Variants in NCOR2 observed in about 807,000 individuals in gnomAD.
NCOR2 encodes CTG repeat protein 26.
Under a neutral mutation model 262.9 loss-of-function variants are expected in NCOR2, and 81 were observed. The ratio of observed to expected loss-of-function variants is 0.31; its 90% CI spans 0.26 to 0.37. The LOEUF is 0.37. Ranked by LOEUF, NCOR2 falls within the 10% of genes least tolerant of loss-of-function variation. The pLI, the probability that NCOR2 is intolerant of heterozygous loss-of-function variation, is 1.00. For missense variants in NCOR2, 3,385 were observed against 3,621.4 expected (o/e 0.93, Z 1.68); for synonymous variants, 1,659 against 1,559.3 (o/e 1.06, Z -1.51).
rs1308679020 is a variant in NCOR2, at chr12:124,504,249, G to A, written c.-117-8881C>T. 4.6e-5 allele frequency among the ~76,000 whole-genome samples: 7 copies of A among 152,230 alleles called. No homozygotes were observed. Among genetic ancestry groups the A allele is most frequent in the African/African-American group, 1.7e-4 (7 of 41,466 alleles). On this transcript the variant is annotated intron_variant, in intron 1 of 46. Transcript: ENST00000404621. This position sits in a 1 kb window ranked among gnomAD's most constrained non-coding sequence, Gnocchi z 4.5. ...AGATACGTGGGCCAGGTTAAAGCCA[G>A]AAAGCTGGGGTGCCCGGAGCGTCTC...
chr12:124,357,619 G>A (rs2038052760), intron 22 of NCOR2, among the ~76,000 whole-genome samples: 1 of 152,352 alleles, frequency 6.6e-6, no homozygotes. Flanking sequence ...TTGTGAATAC[G>A]CTTTTACTGG....
intron 13 of NCOR2, among the ~76,000 whole-genome samples, chr12:124,405,806 C>T (rs985992186): frequency 1.3e-5 from 2 of 152,214 alleles, no homozygotes; most frequent in African/African-American, 4.8e-5. Flanking sequence ...TGTTTTAGGG[C>T]AGCAAGTGCA....
intron 1 of NCOR2, among the ~76,000 whole-genome samples, chr12:124,520,730 T>TA (rs2050138765): frequency 6.6e-6 from 1 of 152,012 alleles, no homozygotes; most frequent in Admixed American, 6.6e-5. Flanking sequence ...TAAGCCAGTG[T>TA]CTGGTTATCT....
At chr12:124,391,662 C>T (rs2136149930) in intron 16 of NCOR2, among the ~76,000 whole-genome samples, 1 of 152,344 alleles carries the variant, frequency 6.6e-6, no homozygotes. Flanking sequence ...CCTCCCCACT[C>T]TTTTCTCTCC....
intron 1 of NCOR2, among the ~76,000 whole-genome samples, chr12:124,492,598 C>G (rs1486874299): frequency 6.6e-6 from 1 of 152,160 alleles, no homozygotes; most frequent in Non-Finnish European, 1.5e-5. Context: ...GGAACCAGGA[C>G]AGCCAGGTTC....
rs113864855 is a variant in NCOR2 at position 124,523,185 on chromosome 12, G to C, written c.-118+12380C>G. ...TGCATGTTGTTTTTATTTTTAAAAG[G>C]GGCCGCCCCCACCCACAGCAGCTGT... On this transcript the variant is annotated intron_variant, in intron 1 of 46. Transcript: ENST00000404621. The surrounding 1 kb of genome is among the most constrained non-coding windows in gnomAD (Gnocchi z 4.0). Among the ~76,000 whole-genome samples the C allele has an allele frequency of 6.6e-6, 1 of 152,162 alleles. No homozygotes were observed. The highest frequency in any genetic ancestry group is 6.5e-5 in the Admixed American group (1 of 15,278).
At position 124,443,571 on chromosome 12, in the gene NCOR2, C is replaced by T. The variant is rs1342421135; in HGVS notation, c.816-5575G>A. Among the ~76,000 whole-genome samples, 3 of 152,102 alleles carry T rather than the reference C, an allele frequency of 2.0e-5. No individual in the cohort carries two copies. The highest frequency in any genetic ancestry group is 4.8e-5 in the African/African-American group (2 of 41,414). On this transcript the variant is annotated intron_variant, in intron 7 of 46. Coordinates refer to ENST00000405201, the Ensembl canonical transcript of NCOR2. This position sits in a 1 kb window ranked among gnomAD's most constrained non-coding sequence, Gnocchi z 4.4. The stretch of plus-strand genomic sequence containing the variant: ...AGGCTGGAGTGCAGTGGCGCAATCT[C>T]GGCTCACTGCAACCTCTGCCTCCCG...
At chr12:124,387,894 T>TGGGTGGGGTGGGCATGGAGAGCTCAGG (rs2040937051) in intron 16 of NCOR2, among the ~76,000 whole-genome samples, 1 of 132,624 alleles carries the variant, frequency 7.5e-6, no homozygotes, top group Non-Finnish European at 1.6e-5. Flanking sequence ...CTGGGCCTGC[T>TGGGTGGGGTGGGCATGGAGAGCTCAGG]GGGTGGGGTG....
At chr12:124,375,300 G>C (rs555915472) in intron 18 of NCOR2, among the ~76,000 whole-genome samples, 1 of 152,220 alleles carries the variant, frequency 6.6e-6, no homozygotes, top group Admixed American at 6.5e-5. Context: ...GAAACTTCTG[G>C]GTCTCAGTTT....
chr12:124,360,730 C>A (rs1179623968), intron 22 of NCOR2, among the ~76,000 whole-genome samples: 2 of 152,032 alleles, frequency 1.3e-5, no homozygotes, highest in Non-Finnish European at 2.9e-5. Flanking sequence ...ACACCAGGGC[C>A]TTTCCCTGTG....
At chr12:124,456,712 A>T in intron 6 of NCOR2, among the ~76,000 whole-genome samples, 1 of 152,222 alleles carries the variant, frequency 6.6e-6, no homozygotes, top group East Asian at 1.9e-4. Flanking sequence ...TCACACCGCC[A>T]TGAAGCGGTG....
At chr12:124,397,297 G>A (rs190948753) in intron 16 of NCOR2, among the ~76,000 whole-genome samples, 1 of 152,338 alleles carries the variant, frequency 6.6e-6, no homozygotes, top group Admixed American at 6.5e-5. Flanking sequence ...CCTCACACAG[G>A]GTTATCTGAT....
chr12:124,340,551 C>T (rs374004616), intron 35 of NCOR2, 51 bp downstream of exon 37: 121 of 1,526,626 alleles, frequency 7.9e-5, no homozygotes, highest in Non-Finnish European at 1.0e-4. Context: ...ATCCCCCAGC[C>T]GCCTCCCATG....
At chr12:124,403,381 TC>T (rs1239357582) in intron 13 of NCOR2, among the ~76,000 whole-genome samples, 3 of 151,998 alleles carry the variant, frequency 2.0e-5, no homozygotes, top group African/African-American at 7.2e-5. Context: ...GTCATCTGCC[TC>T]CCCGACCTGT....
intron 1 of NCOR2, among the ~76,000 whole-genome samples, chr12:124,556,740 C>T (rs2051895062): frequency 6.6e-6 from 1 of 151,992 alleles, no homozygotes; most frequent in Non-Finnish European, 1.5e-5. Flanking sequence ...ATCCGTTACT[C>T]AGGTGGCTGA....
chr12:124,548,387 T>TG lies in NCOR2; in HGVS notation c.-164-12777dup, dbSNP rs540163409. 1.3e-5 allele frequency among the ~76,000 whole-genome samples: 2 copies of TG among 152,130 alleles called. No homozygotes were observed. The highest frequency in any genetic ancestry group is 4.1e-4 in the South Asian group (2 of 4,820). ...CATGGACCTTCTGATGGGATCCCTC[T>TG]GGCTGCAACTCAGAGACCAGACAGG... On this transcript the variant is annotated intron_variant, in intron 1 of 32. Coordinates refer to the NCOR2 transcript ENST00000458234. This position sits in a 1 kb window ranked among gnomAD's most constrained non-coding sequence, Gnocchi z 5.1.
chr12:124,550,576 C>T (rs908249545), intron 1 of NCOR2, among the ~76,000 whole-genome samples: 6 of 152,216 alleles, frequency 3.9e-5, no homozygotes, highest in Non-Finnish European at 1.5e-5. Context: ...CTGGCAGTCT[C>T]TCTCTGGGGG....
intron 18 of NCOR2, among the ~76,000 whole-genome samples, chr12:124,377,331 C>G (rs1019773706): frequency 3.3e-5 from 5 of 152,116 alleles, no homozygotes; most frequent in Non-Finnish European, 5.9e-5. Context: ...GTACCTGGGG[C>G]GCCTGGGCCC....
Position 124,444,000 on chromosome 12 carries a change from A to G in NCOR2, c.815+5815T>C, listed in dbSNP as rs572246602. Among the ~76,000 whole-genome samples, 1 of 151,678 alleles carries G rather than the reference A, an allele frequency of 6.6e-6. No homozygotes were observed. The highest frequency in any genetic ancestry group is 2.4e-5 in the African/African-American group (1 of 41,270). ...CGTTCCTCAGCCCCTACTACTCCCTATTGCCTCACACCAGCCCTCCTCACT... is the reference window on the plus strand; with the variant it reads ...CGTTCCTCAGCCCCTACTACTCCCTGTTGCCTCACACCAGCCCTCCTCACT... On this transcript the variant is annotated intron_variant, in intron 7 of 46. Coordinates refer to ENST00000405201, the Ensembl canonical transcript of NCOR2. The surrounding 1 kb of genome is among the most constrained non-coding windows in gnomAD (Gnocchi z 4.4).
Sources: gnomAD v4.1 joint callset for allele counts (sites outside exome capture counted in the v4.1 genomes callset) on GRCh38, gnomAD v4.1.1 for gene constraint, Gnocchi (gnomAD v3.1) non-coding constraint, MANE v1.5 for transcripts, NCBI Gene and HGNC (gene_info 2026-07-23, HGNC 2026-07-21) for gene names.